PCDHGA8: variants seen among roughly 807,000 people sequenced by gnomAD.
PCDHGA8 encodes the protein protocadherin gamma subfamily A, 8, also known as protocadherin gamma-A8.
Under a neutral mutation model 59.2 loss-of-function variants are expected in PCDHGA8, and 45 were observed. The ratio of observed to expected loss-of-function variants is 0.76; its 90% CI spans 0.60 to 0.98. PCDHGA8 has a LOEUF of 0.98. PCDHGA8 is among the 50% of genes least tolerant of loss of function. The probability of loss-of-function intolerance (pLI) is 0.00; values close to 1 mark genes in which losing one functional copy is unlikely to be tolerated. For missense variants in PCDHGA8, 1,257 were observed against 1,196.2 expected, an observed-to-expected ratio of 1.05 and a Z score of -0.75; for synonymous variants, 531 against 519.0, an observed-to-expected ratio of 1.02 and a Z score of -0.32.
At chr5:141,507,003 G>A (rs569257489) in intron 3 of PCDHGA8, 3 of 152,342 alleles carry the variant, frequency 2.0e-5, no homozygotes, top group African/African-American at 7.2e-5. Context: ...CGACAGATGA[G>A]AGAACCGAGA....
At chr5:141,399,927 G>A (rs918358571) in intron 1 of PCDHGA8, 7 of 1,612,226 alleles carry the variant, frequency 4.3e-6, no homozygotes, top group Non-Finnish European at 5.1e-6. Flanking sequence ...ACGCCTGGCT[G>A]TCCTACCACG....
At chr5:141,508,662 T>G (rs2099870759) in intron 3 of PCDHGA8, among the ~76,000 whole-genome samples, 1 of 152,122 alleles carries the variant, frequency 6.6e-6, no homozygotes, top group Non-Finnish European at 1.5e-5. Context: ...CCTGTCATTC[T>G]GTCTCTGCCT....
At chr5:141,417,117 C>A (rs1199474234) in intron 1 of PCDHGA8, 3 of 151,748 alleles carry the variant, frequency 2.0e-5, no homozygotes, top group Non-Finnish European at 4.4e-5. Context: ...TACAGGACAC[C>A]CTGGATGATG....
chr5:141,442,751 T>G (rs756672976), intron 1 of PCDHGA8, among the ~76,000 whole-genome samples: 1 of 152,196 alleles, frequency 6.6e-6, no homozygotes, highest in Non-Finnish European at 1.5e-5. Context: ...CATGTTTTGA[T>G]TATATATATT....
rs1345800081 is a variant in PCDHGA8, at chr5:141,485,453, G to A, written c.2425-9354G>A. 1 of 1,614,176 alleles carries A rather than the reference G, an allele frequency of 6.2e-7. No homozygotes were observed. The highest frequency in any genetic ancestry group is 8.5e-7 in the Non-Finnish European group (1 of 1,180,036). On this transcript the variant is annotated intron_variant, in intron 1 of 3. Transcript: ENST00000398604. The surrounding 1 kb of genome is among the most constrained non-coding windows in gnomAD (Gnocchi z 5.7). ...CATCAAGAACCCAATCGACCGAGAG[G>A]CACTGTGTGGGCTCAGTGCCAGCTG...
rs1468315559 is a variant in PCDHGA8 at position 141,493,636 on chromosome 5, G to A, written c.2425-1171G>A. 1.3e-5 allele frequency among the ~76,000 whole-genome samples: 2 copies of A among 152,130 alleles called. No individual in the cohort carries two copies. Among genetic ancestry groups the A allele is most frequent in the Non-Finnish European group, 2.9e-5 (2 of 68,040 alleles). The stretch of plus-strand genomic sequence containing the variant: ...TGTGTCTAAGAATACAGTGGCTGAG[G>A]GCTGGCCATCCCTGTGCCCTTCTCC... On this transcript the variant is annotated intron_variant, in intron 1 of 3. Transcript: ENST00000398604. The surrounding 1 kb of genome is among the most constrained non-coding windows in gnomAD (Gnocchi z 4.3).
chr5:141,488,705 G>T (rs1024064135), intron 1 of PCDHGA8, among the ~76,000 whole-genome samples: 1 of 152,200 alleles, frequency 6.6e-6, no homozygotes, highest in Non-Finnish European at 1.5e-5. Context: ...AGATTTTGCT[G>T]GTTCAAGCAA....
In PCDHGA8 at chr5:141,393,035, CTT is replaced by C; in HGVS notation, c.224_225del (p.Phe75CysfsTer32). 6.2e-7 allele frequency: 1 copy of C among 1,613,790 alleles called. No individual in the cohort carries two copies. The highest frequency in any genetic ancestry group is 1.1e-5 in the South Asian group (1 of 91,056). On this transcript the variant is annotated frameshift_variant, in exon 1 of 4. Transcript: ENST00000398604. LOFTEE classifies it high-confidence loss of function. ...RIVSRGRTQL[F>X]ALNPRSGSLI... is the part of the protein sequence containing the mutation. ...TCGTCTCCAGAGGTAGGACGCAGCT[CTT>C]TGCTCTGAACCCGCGCAGCGGCAGC... is the stretch of plus-strand genomic sequence containing the variant.
In PCDHGA8 at chr5:141,493,211, G is replaced by C. The variant is rs1312763933; in HGVS notation, c.2425-1596G>C. Reference sequence around the variant, plus strand: ...CTCCTTTGAGAACCTCATCTCATTTGCTCTTCCCACCATTGCTGTTGGCTA... The same window carrying C: ...CTCCTTTGAGAACCTCATCTCATTTCCTCTTCCCACCATTGCTGTTGGCTA... On this transcript the variant is annotated intron_variant, in intron 1 of 3. Transcript: ENST00000398604. The surrounding 1 kb of genome is among the most constrained non-coding windows in gnomAD (Gnocchi z 4.3). 6.6e-6 allele frequency among the ~76,000 whole-genome samples: 1 copy of C among 152,180 alleles called. No individual in the cohort carries two copies. The highest frequency in any genetic ancestry group is 2.4e-5 in the African/African-American group (1 of 41,436).
chr5:141,407,924 C>T, intron 1 of PCDHGA8: 2 of 482,212 alleles, frequency 4.1e-6, no homozygotes, highest in Non-Finnish European at 3.6e-6. Flanking sequence ...CTGTCCCGCA[C>T]GGAGCCTCTG....
At chr5:141,428,613 C>T (rs1247239314) in intron 1 of PCDHGA8, 1 of 212,608 alleles carries the variant, frequency 4.7e-6, no homozygotes, top group African/African-American at 2.3e-5. Flanking sequence ...AAGAGAATAA[C>T]AAGATAAGCT....
Position 141,485,668 on chromosome 5 carries a change from T to C in PCDHGA8, c.2425-9139T>C. 6.2e-7 allele frequency: 1 copy of C among 1,612,698 alleles called. No homozygotes were observed. The highest frequency in any genetic ancestry group is 1.3e-5 in the African/African-American group (1 of 74,972). ...CTCAGGATGCAGATGTGGGGAGCAA[T>C]TCGATTAGCAGCTATAGGCTGAGCT... On this transcript the variant is annotated intron_variant, in intron 1 of 3. Transcript: ENST00000398604. The surrounding 1 kb of genome is among the most constrained non-coding windows in gnomAD (Gnocchi z 5.7).
rs2095932484 is a variant in PCDHGA8, at chr5:141,415,751, T to TG, written c.2424+20514_2424+20515insG. 3.8e-6 allele frequency: 5 copies of TG among 1,328,726 alleles called. No homozygotes were observed. The African/African-American group carries it at 9.4e-5, about 25-fold the overall frequency. The allele number at this position is 1,328,726 out of a possible 1,614,324, so 82.3% of individuals were successfully genotyped here. On this transcript the variant is annotated intron_variant, in intron 1 of 3. Transcript: ENST00000398604. ...TGATGTTTATTAAGGTTTTTTTTTT[T>TG]TTTTTTTTTTTTTTTTTTTTTACTT... is the stretch of plus-strand genomic sequence containing the variant.
chr5:141,466,686 T>G (rs112499949), intron 1 of PCDHGA8, among the ~76,000 whole-genome samples: 2 of 152,352 alleles, frequency 1.3e-5, no homozygotes, highest in African/African-American at 4.8e-5. Flanking sequence ...CCACTCAAGC[T>G]TCATCATAAA....
chr5:141,490,417 C>A lies in PCDHGA8; in HGVS notation c.2425-4390C>A, dbSNP rs767996336. ...AGTGAGCCTTGATATCTCTCCGGAC[C>A]TGCCATTTCAGATTAAGCCTTCTGA... On this transcript the variant is annotated intron_variant, in intron 1 of 3. Transcript: ENST00000398604. The surrounding 1 kb of genome is among the most constrained non-coding windows in gnomAD (Gnocchi z 5.4). 4.3e-6 allele frequency: 7 copies of A among 1,614,196 alleles called. No homozygotes were observed. In the South Asian group the frequency reaches 7.7e-5, roughly 18 times the overall value.
chr5:141,446,275 A>G (rs1229842331), intron 1 of PCDHGA8, among the ~76,000 whole-genome samples: 1 of 152,156 alleles, frequency 6.6e-6, no homozygotes, highest in African/African-American at 2.4e-5. Flanking sequence ...GAATAAATAC[A>G]ATGGATAAAT....
At chr5:141,503,836 A>G (rs1260399957) in intron 2 of PCDHGA8, among the ~76,000 whole-genome samples, 4 of 152,142 alleles carry the variant, frequency 2.6e-5, no homozygotes, top group Admixed American at 6.5e-5. Flanking sequence ...AAAAGCAGGG[A>G]CAGACCTTGG....
intron 1 of PCDHGA8, among the ~76,000 whole-genome samples, chr5:141,435,885 C>T (rs2097784639): frequency 6.6e-6 from 1 of 152,088 alleles, no homozygotes; most frequent in Non-Finnish European, 1.5e-5. Context: ...TTGGAAACCC[C>T]TTAGAGAATG....
At chr5:141,464,312 C>T (rs2099081610) in intron 1 of PCDHGA8, among the ~76,000 whole-genome samples, 1 of 149,056 alleles carries the variant, frequency 6.7e-6, no homozygotes, top group South Asian at 2.1e-4. Flanking sequence ...GTGCACATAT[C>T]ATTATCTGTT....
Sources: gnomAD v4.1 joint callset for allele counts (sites outside exome capture counted in the v4.1 genomes callset) on GRCh38, gnomAD v4.1.1 for gene constraint, Gnocchi (gnomAD v3.1) non-coding constraint, MANE v1.5 for transcripts, NCBI Gene and HGNC (gene_info 2026-07-23, HGNC 2026-07-21) for gene names.